The following PRELID2 variants were observed in gnomAD, a reference collection of about 807,000 sequenced individuals.
The protein encoded by PRELID2 is PRELI domain-containing protein 2.
In PRELID2, 25 loss-of-function variants were observed where a neutral mutation model predicts 28.4. The ratio of observed to expected loss-of-function variants is 0.88; its 90% CI spans 0.64 to 1.23. PRELID2 has a LOEUF of 1.23. Among genes scored for constraint, PRELID2 ranks in the 50% most tolerant of loss-of-function variants. PRELID2 has a pLI of 0.00. For missense variants in PRELID2, 201 were observed against 214.4 expected (o/e 0.94, Z 0.39); for synonymous variants, 76 against 71.6 (o/e 1.06, Z -0.31).
chr5:145,366,568 C>A, the PRELID2 span, among the ~76,000 whole-genome samples: 2 of 151,836 alleles, frequency 1.3e-5, no homozygotes, highest in Non-Finnish European at 2.9e-5. Context: ...TAAATTACAT[C>A]GGGTTGAAGT....
At chr5:145,688,247 G>C (rs1263087657) in intron 1 of PRELID2, among the ~76,000 whole-genome samples, 1 of 152,158 alleles carries the variant, frequency 6.6e-6, no homozygotes, top group Non-Finnish European at 1.5e-5. Flanking sequence ...CATCTTGTTT[G>C]TTGCCCTCCA....
the PRELID2 span, among the ~76,000 whole-genome samples, chr5:145,259,048 C>G: frequency 2.0e-5 from 3 of 152,158 alleles, no homozygotes; most frequent in Non-Finnish European, 4.4e-5. Flanking sequence ...TCAGAAAGTG[C>G]AAGACATAAG....
the PRELID2 span, among the ~76,000 whole-genome samples, chr5:145,317,044 A>G: frequency 6.6e-6 from 1 of 152,196 alleles, no homozygotes; most frequent in African/African-American, 2.4e-5. Flanking sequence ...TGATAGAAGA[A>G]AATGGTTTCT....
At chr5:145,453,081 T>C in the PRELID2 span, among the ~76,000 whole-genome samples, 1 of 152,128 alleles carries the variant, frequency 6.6e-6, no homozygotes, top group Admixed American at 6.6e-5. Context: ...TGCCCAAAAA[T>C]GGAGGGGGAT....
intron 1 of PRELID2, among the ~76,000 whole-genome samples, chr5:145,575,134 A>G (rs566573379): frequency 6.6e-6 from 1 of 152,278 alleles, no homozygotes; most frequent in South Asian, 2.1e-4. Context: ...CTGCTGACTC[A>G]TTAGGCCTGG....
At chr5:145,751,748 G>A (rs934611013), downstream of PRELID2, among the ~76,000 whole-genome samples, 3 of 152,170 alleles carry the variant, frequency 2.0e-5, no homozygotes, top group African/African-American at 2.4e-5. Context: ...TTGGGAGGCC[G>A]AGGCGGGTGG....
the PRELID2 span, among the ~76,000 whole-genome samples, chr5:145,258,381 G>A: frequency 0.083 from 12,565 of 152,202 alleles, 1,120 homozygotes; most frequent in African/African-American, 0.23. Context: ...GACTGGTTAA[G>A]TGGTTGTGAC....
chr5:145,790,955 C>A (rs1308642593), intron 5 of PRELID2, among the ~76,000 whole-genome samples: 1 of 150,484 alleles, frequency 6.6e-6, no homozygotes, highest in Non-Finnish European at 1.5e-5. Context: ...TATTTATATA[C>A]CCATGTTTAT....
the PRELID2 span, among the ~76,000 whole-genome samples, chr5:145,308,195 G>A: frequency 1.3e-5 from 2 of 152,168 alleles, no homozygotes; most frequent in Non-Finnish European, 2.9e-5. Context: ...TCTGAGACAA[G>A]CGTAGAACCC....
At chr5:145,724,647 AAT>A (rs1193274666) in intron 1 of PRELID2, among the ~76,000 whole-genome samples, 7 of 121,802 alleles carry the variant, frequency 5.7e-5, no homozygotes, top group African/African-American at 2.0e-4. Flanking sequence ...ATATATATAT[AAT>A]GCCTGTAACT....
the PRELID2 span, among the ~76,000 whole-genome samples, chr5:145,290,637 A>T: frequency 6.6e-6 from 1 of 151,594 alleles, no homozygotes; most frequent in South Asian, 2.1e-4. Context: ...CATTAGGAGA[A>T]ATACCTAATG....
chr5:145,308,160 C>G, the PRELID2 span, among the ~76,000 whole-genome samples: 3 of 152,154 alleles, frequency 2.0e-5, no homozygotes, highest in Admixed American at 1.3e-4. Context: ...GACTGATGGT[C>G]CCCTACCTAT....
downstream of PRELID2, among the ~76,000 whole-genome samples, chr5:145,467,787 G>A (rs1204687661): frequency 2.0e-5 from 3 of 151,388 alleles, no homozygotes; most frequent in African/African-American, 7.3e-5. Flanking sequence ...TGGCTTACAG[G>A]TGGTATCAAA....
At chr5:145,463,747 G>T in the PRELID2 span, among the ~76,000 whole-genome samples, 1 of 152,104 alleles carries the variant, frequency 6.6e-6, no homozygotes, top group Non-Finnish European at 1.5e-5. Flanking sequence ...CATCTTAGCA[G>T]TAAAGATCCC....
chr5:145,495,586 C>T (rs1242213176), intron 1 of PRELID2, among the ~76,000 whole-genome samples: 1 of 152,134 alleles, frequency 6.6e-6, no homozygotes, highest in Non-Finnish European at 1.5e-5. Context: ...TCATATTAGT[C>T]TCCTAGATTT....
At chr5:145,698,393 C>T (rs142594054) in intron 1 of PRELID2, among the ~76,000 whole-genome samples, 1 of 152,278 alleles carries the variant, frequency 6.6e-6, no homozygotes, top group East Asian at 1.9e-4. Context: ...CAAATAAACA[C>T]AAGTAACTAA....
chr5:145,800,069 T>C (rs1229286031), intron 4 of PRELID2, among the ~76,000 whole-genome samples: 3 of 152,282 alleles, frequency 2.0e-5, no homozygotes, highest in African/African-American at 7.2e-5. Flanking sequence ...GTATGTATAG[T>C]TGGCATGTGT....
At chr5:145,828,335 A>C (rs951580977) in intron 1 of PRELID2, among the ~76,000 whole-genome samples, 1 of 152,236 alleles carries the variant, frequency 6.6e-6, no homozygotes, top group East Asian at 1.9e-4. Flanking sequence ...ACACTTTTGA[A>C]GACTTAAAAA....
intron 1 of PRELID2, among the ~76,000 whole-genome samples, chr5:145,640,241 A>G (rs62392276): frequency 6.6e-6 from 1 of 151,772 alleles, no homozygotes; most frequent in East Asian, 1.9e-4. Flanking sequence ...AATCCCAGCA[A>G]TTTGGGAGGC....
Sources: gnomAD v4.1 joint callset for allele counts (sites outside exome capture counted in the v4.1 genomes callset) on GRCh38, gnomAD v4.1.1 for gene constraint, MANE v1.5 for transcripts, NCBI Gene and HGNC (gene_info 2026-07-23, HGNC 2026-07-21) for gene names.